DAB1: variants seen among roughly 807,000 people sequenced by gnomAD.
DAB1 encodes disabled homolog 1.
In DAB1, 15 loss-of-function variants were observed where a neutral mutation model predicts 64.6. The ratio of observed to expected loss-of-function variants is 0.23; its 90% CI spans 0.16 to 0.36. The LOEUF (loss-of-function observed/expected upper bound fraction) is 0.36. Among genes scored for constraint, DAB1 ranks in the 10% least tolerant of loss-of-function variants. The pLI, the probability that DAB1 is intolerant of heterozygous loss-of-function variation, is 1.00. For synonymous variants in DAB1, 235 were observed against 251.9 expected (o/e 0.93, Z 0.64); for missense variants, 596 against 706.7 (o/e 0.84, Z 1.78).
downstream of DAB1, among the ~76,000 whole-genome samples, chr1:57,821,073 C>G (rs116361271): frequency 2.3e-3 from 354 of 152,158 alleles, 2 homozygotes; most frequent in African/African-American, 7.9e-3. Flanking sequence ...TTTCACCCAC[C>G]CCCAAAAAAG....
chr1:58,088,275 A>G (rs1650439498), intron 5 of DAB1, among the ~76,000 whole-genome samples: 1 of 152,204 alleles, frequency 6.6e-6, no homozygotes, highest in Non-Finnish European at 1.5e-5. Context: ...TAAGACTTTT[A>G]TAGAGTATAT....
chr1:57,237,155 C>T (rs1192414490), intron 2 of DAB1, among the ~76,000 whole-genome samples: 1 of 152,098 alleles, frequency 6.6e-6, no homozygotes, highest in Non-Finnish European at 1.5e-5. Flanking sequence ...AGGAGTAATT[C>T]TGACATGATT....
rs113366059 is a variant in DAB1 at position 58,348,638 on chromosome 1, T to G, written n.258-5235A>C. ...CTCCTGTGGCCCTGATTTATCCATC[T>G]TTAAAATGAAGTTTTAGAACTCAAT... On this transcript the variant is annotated intron_variant and non_coding_transcript_variant, in intron 3 of 20. Coordinates refer to the DAB1 transcript ENST00000485760. Among the ~76,000 whole-genome samples, 678 of 152,318 alleles carry G rather than the reference T, an allele frequency of 4.5e-3. 9 individuals carry two copies. The highest frequency in any genetic ancestry group is 0.016 in the African/African-American group (654 of 41,562).
At chr1:57,319,545 C>T (rs1675517921) in intron 1 of DAB1, among the ~76,000 whole-genome samples, 1 of 152,134 alleles carries the variant, frequency 6.6e-6, no homozygotes, top group Non-Finnish European at 1.5e-5. Context: ...ACCCCCTCCC[C>T]CAATTCAGGT....
Position 57,291,012 on chromosome 1 carries a change from G to C in DAB1, c.19C>G (p.Leu7Val). The C allele has an allele frequency of 6.2e-7, 1 of 1,611,652 alleles. No individual in the cohort carries two copies. Among genetic ancestry groups the C allele is most frequent in the South Asian group, 1.1e-5 (1 of 90,734 alleles). The change falls in exon 2 of 15, where the codon CTT becomes GTT. Residue 7 changes from leucine to valine, a missense_variant. Leu to Val is a conservative substitution (Grantham distance 32). Transcript: ENST00000371236. MSTETE[L>V]QVAVKTSAKK... ...GCGCTGGTTTTCACAGCTACTTGAA[G>C]TTCTGTCTCAGTTGACATCCTACTT...
Position 58,373,673 on chromosome 1 carries a change from T to C in DAB1, n.258-30270A>G, listed in dbSNP as rs1644293901. Among the ~76,000 whole-genome samples the C allele has an allele frequency of 1.3e-5, 2 of 152,318 alleles. 1 individual carries two copies. Among genetic ancestry groups the C allele is most frequent in the South Asian group, 4.2e-4 (2 of 4,814 alleles). On this transcript the variant is annotated intron_variant and non_coding_transcript_variant, in intron 3 of 20. Transcript: ENST00000485760. ...CGTGTCTTTATAGCAGCATGATTTA[T>C]AGTCATTTGGGTATATACCCAGTAA... is the stretch of plus-strand genomic sequence containing the variant.
At chr1:57,395,401 G>A (rs558982746) in intron 1 of DAB1, among the ~76,000 whole-genome samples, 79 of 152,184 alleles carry the variant, frequency 5.2e-4, no homozygotes, top group Admixed American at 1.7e-3. Flanking sequence ...GATTTTGCAA[G>A]CCTTACCCTA....
At chr1:57,378,858 A>G (rs762956165) in intron 1 of DAB1, among the ~76,000 whole-genome samples, 1 of 152,184 alleles carries the variant, frequency 6.6e-6, no homozygotes, top group Non-Finnish European at 1.5e-5. Context: ...AAAGGAGAAT[A>G]TTGAGGATGT....
intron 5 of DAB1, among the ~76,000 whole-genome samples, chr1:58,002,457 T>A (rs1310189026): frequency 6.6e-6 from 1 of 152,242 alleles, no homozygotes; most frequent in Non-Finnish European, 1.5e-5. Context: ...TATTCATACA[T>A]ATCCATCAGC....
intron 5 of DAB1, among the ~76,000 whole-genome samples, chr1:58,102,540 A>G (rs1047402872): frequency 4.6e-5 from 7 of 152,198 alleles, no homozygotes; most frequent in Admixed American, 4.6e-4. Context: ...CTATTTTTAT[A>G]TCAAGATCTT....
intron 3 of DAB1, among the ~76,000 whole-genome samples, chr1:58,389,376 T>A (rs78245665): frequency 0.014 from 2,130 of 152,282 alleles, 49 homozygotes; most frequent in African/African-American, 0.049. Context: ...AGATCCAAGC[T>A]GCAGTAAGCT....
chr1:57,208,597 A>T (rs1557941681), intron 2 of DAB1, among the ~76,000 whole-genome samples: 1 of 152,230 alleles, frequency 6.6e-6, no homozygotes, highest in Non-Finnish European at 1.5e-5. Context: ...TAGTTGAAGA[A>T]CCTAAAATAG....
At chr1:58,120,304 G>A (rs1652659845) in intron 5 of DAB1, among the ~76,000 whole-genome samples, 1 of 152,110 alleles carries the variant, frequency 6.6e-6, no homozygotes, top group Admixed American at 6.6e-5. Context: ...ACCCATTGAG[G>A]AGTAGTTGAC....
intron 5 of DAB1, chr1:58,079,967 C>A (rs1175607548): frequency 3.9e-5 from 6 of 152,168 alleles, no homozygotes; most frequent in Non-Finnish European, 8.8e-5. Flanking sequence ...TAAGGTAGAT[C>A]AAAGTATTTA....
intron 3 of DAB1, among the ~76,000 whole-genome samples, chr1:58,475,540 A>G (rs921658624): frequency 2.6e-5 from 4 of 152,078 alleles, no homozygotes; most frequent in African/African-American, 9.7e-5. Context: ...CACAAATAAA[A>G]GTTTCCTTTC....
intron 5 of DAB1, among the ~76,000 whole-genome samples, chr1:57,910,145 A>C (rs1370129829): frequency 3.9e-5 from 6 of 152,230 alleles, no homozygotes; most frequent in Non-Finnish European, 8.8e-5. Flanking sequence ...GTACAGGCAC[A>C]GAGGACCAGA....
chr1:57,847,385 C>T (rs1166004661), intron 1 of DAB1, among the ~76,000 whole-genome samples: 1 of 151,576 alleles, frequency 6.6e-6, no homozygotes, highest in African/African-American at 2.4e-5. Flanking sequence ...AACAAAAAGA[C>T]AGGAATAAGA....
At chr1:58,213,404 C>T (rs564024636) in intron 4 of DAB1, among the ~76,000 whole-genome samples, 1 of 152,264 alleles carries the variant, frequency 6.6e-6, no homozygotes, top group East Asian at 1.9e-4. Context: ...TGAACTGAGT[C>T]ACAGTTCAGC....
intron 2 of DAB1, among the ~76,000 whole-genome samples, chr1:57,149,203 C>G (rs1309675732): frequency 1.3e-5 from 2 of 152,024 alleles, no homozygotes; most frequent in Admixed American, 1.3e-4. Context: ...GAATATTATT[C>G]TATTGTGTGG....
Sources: gnomAD v4.1 joint callset for allele counts (sites outside exome capture counted in the v4.1 genomes callset) on GRCh38, gnomAD v4.1.1 for gene constraint, MANE v1.5 for transcripts, NCBI Gene and HGNC (gene_info 2026-07-23, HGNC 2026-07-21) for gene names.